ZNF507: variants seen among roughly 807,000 people sequenced by gnomAD.
ZNF507 encodes the protein zinc finger protein 507.
A neutral mutation model predicts 80.0 loss-of-function variants in ZNF507; 29 were observed. The ratio of observed to expected loss-of-function variants is 0.36; its 90% CI spans 0.27 to 0.49. The LOEUF (loss-of-function observed/expected upper bound fraction) is 0.49. Ranked by LOEUF, ZNF507 falls within the 20% of genes least tolerant of loss-of-function variation. ZNF507 has a pLI of 0.98. For missense variants in ZNF507, 1,081 were observed against 1,152.2 expected, an observed-to-expected ratio of 0.94 and a Z score of 0.90; for synonymous variants, 462 against 422.5, an observed-to-expected ratio of 1.09 and a Z score of -1.15.
Position 32,354,900 on chromosome 19 carries a change from C to T in ZNF507, c.2070C>T (p.His690=). 1.2e-6 allele frequency: 2 copies of T among 1,614,058 alleles called. No homozygotes were observed. Among genetic ancestry groups the T allele is most frequent in the Non-Finnish European group, 1.7e-6 (2 of 1,179,980 alleles). ...NSKDLESHMI[H]HCKTRIYQCK... ...AAGATTTGGAGAGTCACATGATCCA[C>T]CACTGTAAGACAAGAATATACCAGT... Residue 690 remains histidine, a synonymous_variant, in exon 3 of 7, where the codon CAC becomes CAT. Transcript: ENST00000355898.
intron 5 of ZNF507, among the ~76,000 whole-genome samples, chr19:32,372,562 GC>G (rs1967488341): frequency 6.6e-6 from 1 of 151,906 alleles, no homozygotes; most frequent in Non-Finnish European, 1.5e-5. Context: ...AGGTTTTTGT[GC>G]TATGTCACAA....
At chr19:32,345,881 C>T (rs1177996377) in intron 1 of ZNF507, 98 bp downstream of exon 1, 1 of 152,016 alleles carries the variant, frequency 6.6e-6, no homozygotes, top group African/African-American at 2.4e-5. Context: ...GCTTCCTCCT[C>T]AGCCGGCCGA....
At chr19:32,347,684 G>A (rs1967114073) in intron 2 of ZNF507, among the ~76,000 whole-genome samples, 1 of 151,822 alleles carries the variant, frequency 6.6e-6, no homozygotes, top group Admixed American at 6.6e-5. Context: ...AATCTACAGA[G>A]GCATTACTCC....
chr19:32,346,011 T>TCC (rs1489843257), intron 1 of ZNF507, among the ~76,000 whole-genome samples: 2 of 152,182 alleles, frequency 1.3e-5, no homozygotes, highest in Non-Finnish European at 2.9e-5. Flanking sequence ...AACTTGCTGC[T>TCC]CCCTGCATAC....
rs1159016629 is a variant in ZNF507 at position 32,385,293 on chromosome 19, C to G, written c.*2210C>G. On this transcript the variant is annotated 3_prime_UTR_variant, in exon 7 of 7. Coordinates refer to ENST00000355898, the MANE Select transcript of ZNF507 (RefSeq NM_001136156.2). ...CCCACCTCATGGGGAAAAAACTAAC[C>G]CAGAAGTTCAAAGCCTTTAAAGTTT... The G allele has an allele frequency of 6.6e-6, 1 of 151,956 alleles. No homozygotes were observed. The highest frequency in any genetic ancestry group is 1.5e-5 in the Non-Finnish European group (1 of 67,998). The allele number at this position is 151,956 out of a possible 1,614,324, so 9.4% of individuals were successfully genotyped here. A position where few individuals can be genotyped will look rare whatever the true frequency, so the allele number is the denominator to read the frequency against.
At chr19:32,359,253 G>A (rs1243453890) in intron 4 of ZNF507, 1 of 152,098 alleles carries the variant, frequency 6.6e-6, no homozygotes, top group Non-Finnish European at 1.5e-5. Context: ...AGGAAATTAG[G>A]ACATTTTGTT....
rs762974436 is a variant in ZNF507, at chr19:32,353,095, C to G, written c.265C>G (p.Pro89Ala). 6 of 1,614,184 alleles carry G rather than the reference C, an allele frequency of 3.7e-6. No homozygotes were observed. The East Asian group carries it at 1.3e-4, about 36-fold the overall frequency. Reference protein sequence around the residue: ...SLETQELCEIPAKVIQSPAAD... With the variant: ...SLETQELCEIAAKVIQSPAAD... The stretch of plus-strand genomic sequence containing the variant: ...TGAAACCCAAGAACTTTGTGAGATT[C>G]CGGCTAAAGTAATCCAGTCACCTGC... Residue 89 changes from proline (P) to alanine (A), a missense_variant, in exon 3 of 7, where the codon CCG (proline) becomes GCG (alanine). Coordinates refer to ENST00000355898, the MANE Select transcript of ZNF507 (RefSeq NM_001136156.2).
At chr19:32,366,417 T>C (rs757257458) in intron 5 of ZNF507, among the ~76,000 whole-genome samples, 2 of 152,098 alleles carry the variant, frequency 1.3e-5, no homozygotes, top group African/African-American at 2.4e-5. Flanking sequence ...TCTAACATTA[T>C]CAATTAGTGT....
intron 5 of ZNF507, among the ~76,000 whole-genome samples, chr19:32,378,052 A>G (rs1480628705): frequency 1.3e-5 from 2 of 152,126 alleles, no homozygotes; most frequent in Non-Finnish European, 2.9e-5. Flanking sequence ...TGTCAAGGGC[A>G]TTAAAAACAA....
chr19:32,360,190 T>G (rs1339472085), intron 4 of ZNF507, among the ~76,000 whole-genome samples: 2 of 152,202 alleles, frequency 1.3e-5, no homozygotes, highest in Non-Finnish European at 2.9e-5. Context: ...ATCAACAGGG[T>G]GTCTCTGATT....
At chr19:32,358,008 C>A (rs1967274237) in intron 4 of ZNF507, 2 of 152,180 alleles carry the variant, frequency 1.3e-5, no homozygotes, top group Admixed American at 6.5e-5. Flanking sequence ...ATTAAAATAA[C>A]CACTTCAGAC....
chr19:32,355,914 G>A (rs920009624), intron 3 of ZNF507, among the ~76,000 whole-genome samples: 4 of 152,238 alleles, frequency 2.6e-5, no homozygotes, highest in Admixed American at 2.6e-4. Context: ...AAGGAGAATG[G>A]CCTGAACCTG....
chr19:32,363,053 A>G lies in ZNF507; in HGVS notation c.2360+2435A>G, dbSNP rs949235461. 5.9e-5 allele frequency among the ~76,000 whole-genome samples: 9 copies of G among 152,178 alleles called. No homozygotes were observed. The East Asian group carries it at 1.7e-3, about 29-fold the overall frequency. ...TCTAGGACTTTCTCCTCGTTGTCCTATACTGTGTGCTTTAAGCGGAGCTGG... is the reference window on the plus strand; with the variant it reads ...TCTAGGACTTTCTCCTCGTTGTCCTGTACTGTGTGCTTTAAGCGGAGCTGG... On this transcript the variant is annotated intron_variant, in intron 5 of 6. Transcript: ENST00000355898.
intron 5 of ZNF507, among the ~76,000 whole-genome samples, chr19:32,378,169 A>G (rs1967575692): frequency 6.6e-6 from 1 of 152,178 alleles, no homozygotes; most frequent in African/African-American, 2.4e-5. Flanking sequence ...CCTGGCTAAC[A>G]TGACGAAACC....
In ZNF507 at chr19:32,385,410, A is replaced by G. The variant is rs1478569574; in HGVS notation, c.*2327A>G. The G allele has an allele frequency of 6.6e-6, 1 of 152,174 alleles. No homozygotes were observed. Among genetic ancestry groups the G allele is most frequent in the Non-Finnish European group, 1.5e-5 (1 of 68,024 alleles). The allele number at this position is 152,174 out of a possible 1,614,324, so 9.4% of individuals were successfully genotyped here. On this transcript the variant is annotated 3_prime_UTR_variant, in exon 7 of 7. Coordinates refer to ENST00000355898, the MANE Select transcript of ZNF507 (RefSeq NM_001136156.2). ...CAAGGAGGTTCTTTCCCTTCCCATTATCATTTTGTGGCAAGCCTTAAGTTA... is the reference window on the plus strand; with the variant it reads ...CAAGGAGGTTCTTTCCCTTCCCATTGTCATTTTGTGGCAAGCCTTAAGTTA...
intron 5 of ZNF507, among the ~76,000 whole-genome samples, chr19:32,362,665 G>GT (rs1194907109): frequency 6.6e-6 from 1 of 152,196 alleles, no homozygotes; most frequent in African/African-American, 2.4e-5. Flanking sequence ...TCTCAGGGAT[G>GT]TTTTCTTGTG....
rs10500258 is a variant in ZNF507, at chr19:32,384,501, C to A, written c.*1418C>A. The A allele has an allele frequency of 6.6e-6, 1 of 151,974 alleles. No individual in the cohort carries two copies. The highest frequency in any genetic ancestry group is 2.4e-5 in the African/African-American group (1 of 41,342). The allele number at this position is 151,974 out of a possible 1,614,324, so 9.4% of individuals were successfully genotyped here. A position where few individuals can be genotyped will look rare whatever the true frequency, so the allele number is the denominator to read the frequency against. ...TGCACCATCCTCACGGTGCTATTTC[C>A]GAATATCTGAATATTGATTTCTAAC... On this transcript the variant is annotated 3_prime_UTR_variant, in exon 7 of 7. Coordinates refer to ENST00000355898, the MANE Select transcript of ZNF507 (RefSeq NM_001136156.2).
intron 5 of ZNF507, among the ~76,000 whole-genome samples, chr19:32,373,815 G>A (rs1156741983): frequency 2.6e-5 from 4 of 152,156 alleles, no homozygotes; most frequent in Non-Finnish European, 4.4e-5. Context: ...CTTCGATTTT[G>A]TTGGCCAGTT....
At chr19:32,367,498 T>G (rs895711484) in intron 5 of ZNF507, among the ~76,000 whole-genome samples, 23 of 152,348 alleles carry the variant, frequency 1.5e-4, no homozygotes, top group African/African-American at 5.5e-4. Context: ...TAATGATGTC[T>G]TTTGATGAAC....
Sources: allele counts gnomAD v4.1 joint callset (sites outside exome capture counted in the v4.1 genomes callset), GRCh38; gene constraint gnomAD v4.1.1; transcripts MANE v1.5; gene names NCBI Gene and HGNC (gene_info 2026-07-23, HGNC 2026-07-21).